The following RIMS1 variants were observed in gnomAD, a reference collection of about 807,000 sequenced individuals.
RIMS1 encodes regulating synaptic membrane exocytosis protein 1.
Under a neutral mutation model 214.1 loss-of-function variants are expected in RIMS1, and 83 were observed. The observed-to-expected ratio is 0.39, with a 90% CI of 0.32 to 0.47. RIMS1 has a LOEUF of 0.47. RIMS1 is among the 20% of genes least tolerant of loss of function. The pLI, the probability that RIMS1 is intolerant of heterozygous loss-of-function variation, is 0.99. For synonymous variants in RIMS1, 793 were observed against 786.8 expected (o/e 1.01, Z -0.13); for missense variants, 2,050 against 2,161.8 (o/e 0.95, Z 1.03).
chr6:71,896,042 C>T (rs1179296813), intron 1 of RIMS1, among the ~76,000 whole-genome samples: 1 of 152,120 alleles, frequency 6.6e-6, no homozygotes, highest in Non-Finnish European at 1.5e-5. Context: ...TCTTTCCTAA[C>T]CCCTTTGTTT....
chr6:71,971,441 T>C (rs1024258238), intron 2 of RIMS1, among the ~76,000 whole-genome samples: 1 of 152,200 alleles, frequency 6.6e-6, no homozygotes, highest in African/African-American at 2.4e-5. Context: ...TGATTGCCAA[T>C]TGAATATGGG....
chr6:71,991,354 T>G lies in RIMS1; in HGVS notation c.245+22291T>G, dbSNP rs531714614. Among the ~76,000 whole-genome samples the G allele has an allele frequency of 9.2e-4, 140 of 152,356 alleles. 1 individual carries two copies. Among genetic ancestry groups the G allele is most frequent in the African/African-American group, 3.0e-3 (125 of 41,590 alleles). On this transcript the variant is annotated intron_variant, in intron 2 of 33. Coordinates refer to ENST00000521978, the MANE Select transcript of RIMS1 (RefSeq NM_014989.7). ...CTTTTAAAAATGCCTAATTCTATAC[T>G]GTTTACTTTATCATTTACTTGGCCA... is the stretch of plus-strand genomic sequence containing the variant.
At chr6:72,024,923 T>TTTTTTA (rs58179503) in intron 2 of RIMS1, among the ~76,000 whole-genome samples, 1 of 146,754 alleles carries the variant, frequency 6.8e-6, no homozygotes, top group African/African-American at 2.5e-5. Context: ...TTTTTTTTTT[T>TTTTTTA]GAGGCAGAGT....
At chr6:72,152,151 A>T (rs1320904436) in intron 4 of RIMS1, among the ~76,000 whole-genome samples, 2 of 152,156 alleles carry the variant, frequency 1.3e-5, no homozygotes, top group African/African-American at 4.8e-5. Flanking sequence ...GAGGGAACAA[A>T]CATCCAAACT....
intron 2 of RIMS1, among the ~76,000 whole-genome samples, chr6:72,050,877 C>G (rs1824448404): frequency 6.6e-6 from 1 of 152,100 alleles, no homozygotes; most frequent in Non-Finnish European, 1.5e-5. Context: ...TCTTTCCTTG[C>G]CAAATGGTGG....
At chr6:72,067,694 AGTACCTG>A (rs1829644979) in intron 2 of RIMS1, among the ~76,000 whole-genome samples, 1 of 152,224 alleles carries the variant, frequency 6.6e-6, no homozygotes, top group Non-Finnish European at 1.5e-5. Context: ...TGCCTACAAT[AGTACCTG>A]GCACATGGCA....
intron 4 of RIMS1, among the ~76,000 whole-genome samples, chr6:72,111,184 G>A (rs2036009134): frequency 6.6e-6 from 1 of 152,074 alleles, no homozygotes; most frequent in Non-Finnish European, 1.5e-5. Context: ...TGATCTGTAG[G>A]CATGTCTTTC....
At chr6:72,004,002 A>C in intron 2 of RIMS1, among the ~76,000 whole-genome samples, 1 of 137,170 alleles carries the variant, frequency 7.3e-6, no homozygotes, top group Non-Finnish European at 1.6e-5. Flanking sequence ...TGTATCTCCT[A>C]ATGCTATCCC....
Position 72,233,853 on chromosome 6 carries a change from G to C in RIMS1, c.1746+13G>C. On this transcript the variant is annotated intron_variant, in intron 7 of 33. Transcript: ENST00000521978. ...ACCTATTAGTTCGGTAAGTTTTCTGGAAAGTGTGTTTGGAGTTTAGGGAAT... is the reference window on the plus strand; with the variant it reads ...ACCTATTAGTTCGGTAAGTTTTCTGCAAAGTGTGTTTGGAGTTTAGGGAAT... 1 of 1,558,250 alleles carries C rather than the reference G, an allele frequency of 6.4e-7. No homozygotes were observed. The highest frequency in any genetic ancestry group is 8.7e-7 in the Non-Finnish European group (1 of 1,145,876).
chr6:72,220,214 A>G (rs1204082283), intron 6 of RIMS1, among the ~76,000 whole-genome samples: 1 of 152,128 alleles, frequency 6.6e-6, no homozygotes, highest in Non-Finnish European at 1.5e-5. Context: ...AGGTAAAGCA[A>G]CAAGTCCATA....
intron 4 of RIMS1, among the ~76,000 whole-genome samples, chr6:72,101,291 A>T (rs549133499): frequency 6.6e-6 from 1 of 152,106 alleles, no homozygotes; most frequent in East Asian, 1.9e-4. Flanking sequence ...ATAGAGTGGA[A>T]AGACCTGTAA....
chr6:72,170,497 C>T (rs920963546), intron 4 of RIMS1, among the ~76,000 whole-genome samples: 8 of 152,112 alleles, frequency 5.3e-5, no homozygotes, highest in Non-Finnish European at 8.8e-5. Context: ...GTGCCCACCA[C>T]CACGCCTGGC....
At chr6:72,387,370 G>A (rs763717351) in intron 29 of RIMS1, among the ~76,000 whole-genome samples, 1 of 152,170 alleles carries the variant, frequency 6.6e-6, no homozygotes, top group Non-Finnish European at 1.5e-5. Flanking sequence ...ATCTCATGCT[G>A]TCTTGGATAA....
intron 29 of RIMS1, among the ~76,000 whole-genome samples, chr6:72,384,516 T>TTC (rs1259385340): frequency 1.3e-5 from 2 of 152,184 alleles, no homozygotes; most frequent in Non-Finnish European, 2.9e-5. Context: ...ACACACTTAC[T>TTC]TCTTCTGATT....
intron 1 of RIMS1, among the ~76,000 whole-genome samples, chr6:71,897,755 C>T (rs1431550370): frequency 6.6e-6 from 1 of 151,926 alleles, no homozygotes; most frequent in Non-Finnish European, 1.5e-5. Flanking sequence ...TATTTGAATC[C>T]CTCATATAAG....
intron 29 of RIMS1, among the ~76,000 whole-genome samples, chr6:72,345,213 T>G (rs932541049): frequency 6.6e-6 from 1 of 151,672 alleles, no homozygotes; most frequent in East Asian, 1.9e-4. Flanking sequence ...TGTTGATTGA[T>G]TTTCACATTT....
chr6:71,927,387 A>G (rs1781855790), intron 1 of RIMS1, among the ~76,000 whole-genome samples: 1 of 152,178 alleles, frequency 6.6e-6, no homozygotes, highest in Admixed American at 6.5e-5. Context: ...ATAACATAAT[A>G]AACTCAAACA....
chr6:72,158,575 A>C (rs2044784444), intron 4 of RIMS1, among the ~76,000 whole-genome samples: 5 of 89,646 alleles, frequency 5.6e-5, no homozygotes, highest in Admixed American at 1.3e-4. Flanking sequence ...CCACCCCACA[A>C]CAGGCCCTGG....
rs948597688 is a variant in RIMS1 at position 72,262,081 on chromosome 6, A to T, written c.3116+1314A>T. 8 of 984,818 alleles carry T rather than the reference A, an allele frequency of 8.1e-6. 1 individual carries two copies. The South Asian group carries it at 2.3e-4, about 29-fold the overall frequency. The allele number at this position is 984,818 out of a possible 1,614,324, so 61.0% of individuals were successfully genotyped here. A position where few individuals can be genotyped will look rare whatever the true frequency, so the allele number is the denominator to read the frequency against. ...TGCACACAAAACAAACACAAAAAAA[A>T]TCCTTATATTTTAAGCTACTTAGTG... is the stretch of plus-strand genomic sequence containing the variant. On this transcript the variant is annotated intron_variant, in intron 19 of 33. Coordinates refer to ENST00000521978, the MANE Select transcript of RIMS1 (RefSeq NM_014989.7).
Sources: gnomAD v4.1 joint callset for allele counts (sites outside exome capture counted in the v4.1 genomes callset) on GRCh38, gnomAD v4.1.1 for gene constraint, MANE v1.5 for transcripts, NCBI Gene and HGNC (gene_info 2026-07-23, HGNC 2026-07-21) for gene names.